Variants in SLC25A21 observed in about 807,000 individuals in gnomAD.
The protein encoded by SLC25A21 is mitochondrial 2-oxodicarboxylate carrier.
In SLC25A21, 47 loss-of-function variants were observed where a neutral mutation model predicts 43.8. The observed-to-expected ratio is 1.07, with a 90% confidence interval of 0.85 to 1.37. The LOEUF is 1.37. Among genes scored for constraint, SLC25A21 ranks in the 40% most tolerant of loss-of-function variants. The probability of loss-of-function intolerance (pLI) is 0.00; values close to 1 mark genes in which losing one functional copy is unlikely to be tolerated. For missense variants in SLC25A21, 352 were observed against 350.2 expected, an observed-to-expected ratio of 1.00 and a Z score of -0.04; for synonymous variants, 131 against 121.3, an observed-to-expected ratio of 1.08 and a Z score of -0.52.
chr14:36,820,684 T>C (rs1267539175), intron 2 of SLC25A21, among the ~76,000 whole-genome samples: 3 of 152,164 alleles, frequency 2.0e-5, no homozygotes, highest in Non-Finnish European at 4.4e-5. Flanking sequence ...TTGTTAGCCA[T>C]AAGAGAGAAT....
rs146123416 is a variant in SLC25A21 at position 37,153,744 on chromosome 14, C to T, written c.70+18537G>A. Among the ~76,000 whole-genome samples the T allele has an allele frequency of 3.0e-4, 45 of 152,330 alleles. No homozygotes were observed. In the Middle Eastern group the frequency reaches 0.01, roughly 35 times the overall value. ...ATCATCCTGGCCACCACAGCTGGTG[C>T]CTGCTCTCACCACAAGCCCCACGAG... On this transcript the variant is annotated intron_variant, in intron 1 of 9. Coordinates refer to ENST00000331299, the MANE Select transcript of SLC25A21 (RefSeq NM_030631.4).
chr14:36,754,738 A>T (rs1471915006), intron 3 of SLC25A21, among the ~76,000 whole-genome samples: 1 of 151,876 alleles, frequency 6.6e-6, no homozygotes, highest in Non-Finnish European at 1.5e-5. Context: ...CAAAAGAGAA[A>T]AAAAAAGAGA....
At chr14:36,810,662 T>C (rs1341151776) in intron 3 of SLC25A21, among the ~76,000 whole-genome samples, 4 of 152,198 alleles carry the variant, frequency 2.6e-5, no homozygotes, top group Non-Finnish European at 4.4e-5. Flanking sequence ...TGTTTCATTT[T>C]GCATCATTAT....
chr14:36,850,798 T>A (rs1889703996), intron 2 of SLC25A21, among the ~76,000 whole-genome samples: 1 of 152,176 alleles, frequency 6.6e-6, no homozygotes, highest in South Asian at 2.1e-4. Flanking sequence ...GGATTCAGCA[T>A]CTATTTAAGA....
intron 1 of SLC25A21, among the ~76,000 whole-genome samples, chr14:37,046,422 A>C (rs1432859330): frequency 6.6e-6 from 1 of 152,232 alleles, no homozygotes; most frequent in Non-Finnish European, 1.5e-5. Context: ...GTAGCTGGGC[A>C]GGGAAAGGAT....
At chr14:36,727,944 ATTAC>A (rs1274328346) in intron 5 of SLC25A21, among the ~76,000 whole-genome samples, 1 of 152,162 alleles carries the variant, frequency 6.6e-6, no homozygotes, top group Non-Finnish European at 1.5e-5. Flanking sequence ...CCAGGTTTTT[ATTAC>A]TTACTCTATG....
chr14:36,802,607 C>T lies in SLC25A21; in HGVS notation c.203+11311G>A, dbSNP rs538526260. Among the ~76,000 whole-genome samples the T allele has an allele frequency of 2.0e-5, 3 of 152,188 alleles. No homozygotes were observed. The South Asian group carries it at 6.2e-4, about 32-fold the overall frequency. On this transcript the variant is annotated intron_variant, in intron 3 of 9. Transcript: ENST00000331299. ...GAATTCTAATCCAGGTCTCTTTGAACCCCAAGGTAAGTGTTGTTACAGAGG... is the reference window on the plus strand; with the variant it reads ...GAATTCTAATCCAGGTCTCTTTGAATCCCAAGGTAAGTGTTGTTACAGAGG...
intron 1 of SLC25A21, among the ~76,000 whole-genome samples, chr14:36,975,283 T>TCA (rs1359106466): frequency 9.2e-5 from 14 of 152,224 alleles, no homozygotes; most frequent in Non-Finnish European, 2.1e-4. Context: ...TTGATGGGCG[T>TCA]TTGAGCTGGT....
intron 3 of SLC25A21, among the ~76,000 whole-genome samples, chr14:36,797,510 A>G (rs1334332009): frequency 6.6e-6 from 1 of 152,262 alleles, no homozygotes; most frequent in African/African-American, 2.4e-5. Flanking sequence ...GCTACATGAA[A>G]CAGCAGAAAA....
At chr14:36,931,327 A>G (rs1892282561) in intron 1 of SLC25A21, among the ~76,000 whole-genome samples, 1 of 152,184 alleles carries the variant, frequency 6.6e-6, no homozygotes, top group Admixed American at 6.5e-5. Context: ...CATTCACTCT[A>G]ACCTGAGCCT....
At chr14:37,037,881 G>A (rs563537265) in intron 1 of SLC25A21, among the ~76,000 whole-genome samples, 38 of 152,280 alleles carry the variant, frequency 2.5e-4, no homozygotes, top group African/African-American at 9.1e-4. Context: ...AATCCTGTTT[G>A]CACATTGACA....
chr14:37,041,425 G>A (rs967465593), intron 1 of SLC25A21, among the ~76,000 whole-genome samples: 1 of 152,100 alleles, frequency 6.6e-6, no homozygotes, highest in African/African-American at 2.4e-5. Context: ...AGCCTGAGGA[G>A]TGAGGATCAC....
At chr14:37,145,585 A>T (rs1416883849) in intron 1 of SLC25A21, among the ~76,000 whole-genome samples, 6 of 152,110 alleles carry the variant, frequency 3.9e-5, no homozygotes, top group Non-Finnish European at 5.9e-5. Context: ...GTCCCCTATC[A>T]TATGACTGCC....
intron 1 of SLC25A21, among the ~76,000 whole-genome samples, chr14:37,023,209 T>C (rs1341508906): frequency 1.3e-5 from 2 of 152,022 alleles, no homozygotes; most frequent in Admixed American, 6.6e-5. Flanking sequence ...GATCTAGCTG[T>C]CAATCTTTAC....
chr14:36,935,106 C>A (rs149859928), intron 1 of SLC25A21, among the ~76,000 whole-genome samples: 1 of 152,140 alleles, frequency 6.6e-6, no homozygotes, highest in East Asian at 1.9e-4. Context: ...AATTTCATAT[C>A]TCGCCACTGC....
intron 1 of SLC25A21, among the ~76,000 whole-genome samples, chr14:36,947,370 T>C (rs563527825): frequency 5.9e-4 from 90 of 152,334 alleles, no homozygotes; most frequent in Non-Finnish European, 1.1e-3. Flanking sequence ...CAAAAAGCAC[T>C]TCTGCTCAGC....
intron 1 of SLC25A21, among the ~76,000 whole-genome samples, chr14:37,020,796 T>C (rs1232222415): frequency 6.6e-6 from 1 of 151,974 alleles, no homozygotes; most frequent in Admixed American, 6.6e-5. Flanking sequence ...CAGATTTTTA[T>C]TCTTGATAAA....
At chr14:37,010,297 T>C (rs1960702443) in intron 1 of SLC25A21, among the ~76,000 whole-genome samples, 2 of 152,246 alleles carry the variant, frequency 1.3e-5, no homozygotes, top group East Asian at 1.9e-4. Flanking sequence ...ACTAATATTC[T>C]TTCTGAAATG....
At chr14:36,836,084 G>A (rs564742779) in intron 2 of SLC25A21, among the ~76,000 whole-genome samples, 1 of 152,308 alleles carries the variant, frequency 6.6e-6, no homozygotes, top group South Asian at 2.1e-4. Flanking sequence ...GTACAGTGTG[G>A]GGCAAAGATA....
Sources: allele counts gnomAD v4.1 joint callset (sites outside exome capture counted in the v4.1 genomes callset), GRCh38; gene constraint gnomAD v4.1.1; transcripts MANE v1.5; gene names NCBI Gene and HGNC (gene_info 2026-07-23, HGNC 2026-07-21).